Variants in GABRA4 observed in about 807,000 individuals in gnomAD.
GABRA4 encodes the protein gamma-aminobutyric acid receptor subunit alpha-4.
A neutral mutation model predicts 49.7 loss-of-function variants in GABRA4; 12 were observed. The observed-to-expected ratio is 0.24, with a 90% CI of 0.15 to 0.39. GABRA4 has a LOEUF of 0.39. Ranked by LOEUF, GABRA4 falls within the 10% of genes least tolerant of loss-of-function variation. GABRA4 has a pLI of 1.00. For missense variants in GABRA4, 506 were observed against 686.0 expected, an observed-to-expected ratio of 0.74 and a Z score of 2.93; for synonymous variants, 288 against 240.2, an observed-to-expected ratio of 1.20 and a Z score of -1.84.
chr4:46,976,995 A>G (rs752805400), intron 5 of GABRA4, 66 bp downstream of exon 5: 2 of 875,152 alleles, frequency 2.3e-6, no homozygotes, highest in Non-Finnish European at 3.7e-6. Context: ...AAAATAAAAT[A>G]CATGTGTAAA....
intron 8 of GABRA4, among the ~76,000 whole-genome samples, chr4:46,943,484 C>G (rs1254892547): frequency 2.0e-5 from 3 of 152,144 alleles, no homozygotes; most frequent in Non-Finnish European, 4.4e-5. Context: ...AATATTTACA[C>G]ACTATAAATG....
chr4:46,928,897 A>C, intron 8 of GABRA4, 142 bp from the exon 9 acceptor site: 1 of 592,278 alleles, frequency 1.7e-6, no homozygotes. Flanking sequence ...TTGATTTTAA[A>C]AACCTTTAAA....
intron 5 of GABRA4, among the ~76,000 whole-genome samples, chr4:46,975,132 A>T (rs973821748): frequency 9.9e-5 from 15 of 152,118 alleles, no homozygotes. Flanking sequence ...CCCATAACAG[A>T]CAGCTTGGCT....
At chr4:46,993,298 C>T (rs944243346) in intron 1 of GABRA4, 41 bp downstream of exon 1, 1 of 1,559,126 alleles carries the variant, frequency 6.4e-7, no homozygotes, top group Admixed American at 1.7e-5. Flanking sequence ...GCCATTTCTC[C>T]ACTTTCCGTT....
At chr4:46,947,016 ATGT>A (rs1477388115) in intron 8 of GABRA4, among the ~76,000 whole-genome samples, 2 of 151,806 alleles carry the variant, frequency 1.3e-5, no homozygotes, top group Non-Finnish European at 1.5e-5. Context: ...TCTTTTTCTC[ATGT>A]TGTTCTTTCC....
intron 5 of GABRA4, among the ~76,000 whole-genome samples, chr4:46,974,579 C>T (rs537606048): frequency 3.3e-5 from 5 of 151,862 alleles, no homozygotes; most frequent in Non-Finnish European, 7.4e-5. Context: ...GTAAATACCC[C>T]TGCAACTCAA....
intron 8 of GABRA4, among the ~76,000 whole-genome samples, chr4:46,956,635 C>T (rs377448095): frequency 2.6e-5 from 4 of 151,924 alleles, no homozygotes; most frequent in South Asian, 2.1e-4. Context: ...TGACTCAGAA[C>T]GCTAAGAATG....
chr4:46,952,916 G>A (rs1446627217), intron 8 of GABRA4, among the ~76,000 whole-genome samples: 2 of 152,016 alleles, frequency 1.3e-5, no homozygotes, highest in African/African-American at 4.8e-5. Context: ...GAAATGTGTA[G>A]TTTTTTCATA....
At chr4:46,961,441 T>G (rs888112997) in intron 8 of GABRA4, among the ~76,000 whole-genome samples, 1 of 151,846 alleles carries the variant, frequency 6.6e-6, no homozygotes, top group Non-Finnish European at 1.5e-5. Context: ...TTTATGTTTT[T>G]CAGTATTGTC....
intron 6 of GABRA4, among the ~76,000 whole-genome samples, chr4:46,973,263 T>C (rs1475812124): frequency 1.3e-5 from 2 of 151,750 alleles, no homozygotes; most frequent in East Asian, 3.9e-4. Flanking sequence ...AATGTAATAA[T>C]AGGAGGTTGG....
intron 8 of GABRA4, among the ~76,000 whole-genome samples, chr4:46,933,235 C>T (rs570402521): frequency 1.3e-5 from 2 of 152,240 alleles, no homozygotes; most frequent in South Asian, 4.1e-4. Context: ...CAGTAGGCAC[C>T]TATTTCATAT....
chr4:46,986,180 T>A (rs936255018), intron 2 of GABRA4, among the ~76,000 whole-genome samples: 15 of 151,974 alleles, frequency 9.9e-5, no homozygotes, highest in Non-Finnish European at 7.4e-5. Flanking sequence ...TTAAAAGTAT[T>A]TTTTTCCTAG....
At chr4:46,989,897 A>C (rs1026509714) in intron 2 of GABRA4, among the ~76,000 whole-genome samples, 1 of 152,234 alleles carries the variant, frequency 6.6e-6, no homozygotes, top group African/African-American at 2.4e-5. Context: ...ATACTATAGA[A>C]GGCATCTGAT....
In GABRA4 at chr4:46,928,768, A is replaced by C; in HGVS notation, c.1135-13T>G. The C allele has an allele frequency of 6.4e-7, 1 of 1,555,808 alleles. No individual in the cohort carries two copies. On this transcript the variant is annotated splice_polypyrimidine_tract_variant and intron_variant, in intron 8 of 8. Coordinates refer to ENST00000264318, the MANE Select transcript of GABRA4 (RefSeq NM_000809.4). Reference sequence around the variant, plus strand: ...TGGCATTTGTATTCTGAAAAGGTATATGAAAAAATATATTGGTTATGTAAC... The same window carrying C: ...TGGCATTTGTATTCTGAAAAGGTATCTGAAAAAATATATTGGTTATGTAAC...
At chr4:46,956,710 T>G (rs1457066503) in intron 8 of GABRA4, among the ~76,000 whole-genome samples, 1 of 152,068 alleles carries the variant, frequency 6.6e-6, no homozygotes, top group Non-Finnish European at 1.5e-5. Context: ...ATGTGCCTTA[T>G]GCTCACATTT....
At chr4:46,946,493 T>C (rs73245901) in intron 8 of GABRA4, among the ~76,000 whole-genome samples, 19,118 of 152,094 alleles carry the variant, frequency 0.13, 1,900 homozygotes, top group Admixed American at 0.32. Context: ...TCCCATCAAG[T>C]ATTGTGTAGC....
chr4:46,943,181 A>G (rs2109349867), intron 8 of GABRA4, among the ~76,000 whole-genome samples: 1 of 152,198 alleles, frequency 6.6e-6, no homozygotes, highest in Non-Finnish European at 1.5e-5. Context: ...TTGCTATCTA[A>G]TAAACTTGAT....
intron 8 of GABRA4, among the ~76,000 whole-genome samples, chr4:46,944,183 C>G (rs997750870): frequency 6.6e-6 from 1 of 152,102 alleles, no homozygotes; most frequent in African/African-American, 2.4e-5. Flanking sequence ...TGTTGATTAG[C>G]TTGATTGTAG....
Position 46,921,726 on chromosome 4 carries a change from A to G in GABRA4, c.*6499T>C, listed in dbSNP as rs1721042942. 1 of 152,100 alleles carries G rather than the reference A, an allele frequency of 6.6e-6. No homozygotes were observed. Among genetic ancestry groups the G allele is most frequent in the African/African-American group, 2.4e-5 (1 of 41,440 alleles). 9.4% of individuals were successfully genotyped at this position (152,100 alleles called of 1,614,324 possible). On this transcript the variant is annotated 3_prime_UTR_variant, in exon 9 of 9. Transcript: ENST00000264318. ...ATGGTGACTCAGTTAAAGGTGGTGA[A>G]ATAAAAATATTTATAATTCACTCCC...
Sources: allele counts gnomAD v4.1 joint callset (sites outside exome capture counted in the v4.1 genomes callset), GRCh38; gene constraint gnomAD v4.1.1; transcripts MANE v1.5; gene names NCBI Gene and HGNC (gene_info 2026-07-23, HGNC 2026-07-21).